MED26: variants seen among roughly 807,000 people sequenced by gnomAD.
MED26 encodes the protein mediator complex subunit 26, also known as mediator of RNA polymerase II transcription subunit 26.
MED26 carries 7 observed loss-of-function variants against 43.7 expected under a neutral mutation model. The ratio of observed to expected loss-of-function variants is 0.16; its 90% CI spans 0.09 to 0.30. The LOEUF is 0.30. MED26 is among the 10% of genes least tolerant of loss of function. MED26 has a pLI of 1.00. For missense variants in MED26, 784 were observed against 840.6 expected (o/e 0.93, Z 0.83); for synonymous variants, 375 against 371.1 (o/e 1.01, Z -0.12).
intron 1 of MED26, among the ~76,000 whole-genome samples, chr19:16,609,513 A>G (rs2086189922): frequency 6.6e-6 from 1 of 152,124 alleles, no homozygotes; most frequent in African/African-American, 2.4e-5. Flanking sequence ...CCTTTATACT[A>G]GTAAAACTCA....
At chr19:16,595,961 C>G (rs1041231752) in intron 1 of MED26, among the ~76,000 whole-genome samples, 3 of 152,204 alleles carry the variant, frequency 2.0e-5, no homozygotes, top group Non-Finnish European at 4.4e-5. Context: ...TTAAACTTTA[C>G]TCCAAGAGAG....
chr19:16,582,209 G>A (rs891932926), intron 1 of MED26, among the ~76,000 whole-genome samples: 1 of 152,234 alleles, frequency 6.6e-6, no homozygotes, highest in African/African-American at 2.4e-5. Flanking sequence ...AGCTAAGGAT[G>A]GGGGCAAGGT....
intron 1 of MED26, among the ~76,000 whole-genome samples, chr19:16,592,689 C>A (rs1404480932): frequency 6.6e-6 from 1 of 152,178 alleles, no homozygotes; most frequent in Non-Finnish European, 1.5e-5. Flanking sequence ...CAAAACGGCA[C>A]CCCCTTCTTC....
chr19:16,613,085 G>C (rs545082257), intron 1 of MED26, among the ~76,000 whole-genome samples: 85 of 152,130 alleles, frequency 5.6e-4, no homozygotes, highest in African/African-American at 2.0e-3. Context: ...AGTAGGATAG[G>C]GACGTCCTCA....
At chr19:16,603,442 T>C (rs900827071) in intron 1 of MED26, among the ~76,000 whole-genome samples, 1 of 152,122 alleles carries the variant, frequency 6.6e-6, no homozygotes, top group African/African-American at 2.4e-5. Flanking sequence ...AAGCCATGAG[T>C]GCTCATGAGT....
In MED26 at chr19:16,596,026, CTT is replaced by C. The variant is rs1261694244; in HGVS notation, c.73-17619_73-17618del. 2.0e-5 allele frequency among the ~76,000 whole-genome samples: 3 copies of C among 152,084 alleles called. 1 individual carries two copies. In the East Asian group the frequency reaches 5.8e-4, roughly 29 times the overall value. ...CCTCAACTTTTTTCTTTTTGTTTTTCTTGAGACAGGGTCTCGCCCTGTTGCCC... is the reference window on the plus strand; with the variant it reads ...CCTCAACTTTTTTCTTTTTGTTTTTCGAGACAGGGTCTCGCCCTGTTGCCC... On this transcript the variant is annotated intron_variant, in intron 1 of 2. Transcript: ENST00000263390.
intron 1 of MED26, among the ~76,000 whole-genome samples, chr19:16,605,484 CACA>C (rs1568286650): frequency 6.6e-6 from 1 of 152,206 alleles, no homozygotes. Context: ...ATGGATAGAA[CACA>C]GAGACAGTGG....
chr19:16,576,742 G>A lies in MED26; in HGVS notation c.1088C>T (p.Ala363Val), dbSNP rs935949075. 2.5e-6 allele frequency: 4 copies of A among 1,609,406 alleles called. No homozygotes were observed. The highest frequency in any genetic ancestry group is 3.4e-6 in the Non-Finnish European group (4 of 1,179,672). ...GCCTGCCCGGGACAGGAGGGGCTCG[G>A]CTGGGGACAGCCCTGCCTTGCAGCC... ...GPGCKAGLSP[A>V]EPLLSRAGFS... Residue 363 changes from alanine (A) to valine (V), a missense_variant, in exon 3 of 3, where the codon GCC becomes GTC. This residue lies in a region of MED26 where 719 missense variants were observed against 730.9 expected (regional missense o/e 0.98). Coordinates refer to ENST00000263390, the MANE Select transcript of MED26 (RefSeq NM_004831.5). The surrounding 1 kb of genome is among the most constrained non-coding windows in gnomAD (Gnocchi z 6.8).
At chr19:16,606,571 A>G (rs2086174322) in intron 1 of MED26, among the ~76,000 whole-genome samples, 1 of 152,200 alleles carries the variant, frequency 6.6e-6, no homozygotes, top group African/African-American at 2.4e-5. Flanking sequence ...AATAAAATAA[A>G]AATAAAAACA....
At chr19:16,593,163 C>T (rs2086105611) in intron 1 of MED26, among the ~76,000 whole-genome samples, 1 of 152,236 alleles carries the variant, frequency 6.6e-6, no homozygotes, top group South Asian at 2.1e-4. Flanking sequence ...GACCCAACAA[C>T]CTGATGCCGA....
At chr19:16,617,591 C>T (rs890429061) in intron 1 of MED26, among the ~76,000 whole-genome samples, 1 of 152,214 alleles carries the variant, frequency 6.6e-6, no homozygotes, top group Non-Finnish European at 1.5e-5. Flanking sequence ...GGACCAGAAA[C>T]AGAAAAGATT....
chr19:16,619,432 A>C (rs980847415), intron 1 of MED26, among the ~76,000 whole-genome samples: 4 of 152,192 alleles, frequency 2.6e-5, no homozygotes. Flanking sequence ...TCCATGCCTA[A>C]CTCAAGCTGG....
chr19:16,604,824 G>A (rs2086165090), intron 1 of MED26, among the ~76,000 whole-genome samples: 2 of 152,202 alleles, frequency 1.3e-5, no homozygotes, highest in African/African-American at 2.4e-5. Context: ...CCTGGGAGCC[G>A]GCTCATGGTG....
Position 16,591,261 on chromosome 19 carries a change from C to A in MED26, c.73-12852G>T, listed in dbSNP as rs1410987915. 2.0e-5 allele frequency among the ~76,000 whole-genome samples: 3 copies of A among 151,888 alleles called. No homozygotes were observed. The East Asian group carries it at 5.8e-4, about 29-fold the overall frequency. On this transcript the variant is annotated intron_variant, in intron 1 of 2. Transcript: ENST00000263390. ...GGAGGGTGGGCCCTTTGGGGAGGCTCCTTCTCTCCTCAGTAGAAGGAGAAT... is the reference window on the plus strand; with the variant it reads ...GGAGGGTGGGCCCTTTGGGGAGGCTACTTCTCTCCTCAGTAGAAGGAGAAT...
In MED26 at chr19:16,576,479, T is replaced by C. The variant is rs780932307; in HGVS notation, c.1351A>G (p.Met451Val). 7.4e-6 allele frequency: 12 copies of C among 1,614,042 alleles called. No homozygotes were observed. The highest frequency in any genetic ancestry group is 5.5e-5 in the South Asian group (5 of 91,088). ...EPVRADSPVH[M>V]EQQSRTELDK... Reference sequence around the variant, plus strand: ...AGCTCTGTCCTGGACTGCTGCTCCATGTGCACAGGGCTGTCTGCCCGCACT... The same window carrying C: ...AGCTCTGTCCTGGACTGCTGCTCCACGTGCACAGGGCTGTCTGCCCGCACT... Residue 451 changes from methionine (M) to valine (V), a missense_variant, in exon 3 of 3, where the codon ATG (methionine) becomes GTG (valine). By Grantham distance (21) the Met-to-Val change is conservative (BLOSUM62 1). Transcript: ENST00000263390. This position sits in a 1 kb window ranked among gnomAD's most constrained non-coding sequence, Gnocchi z 6.8.
rs755006190 is a variant in MED26 at position 16,576,574 on chromosome 19, C to T, written c.1256G>A (p.Arg419Gln). The T allele has an allele frequency of 8.7e-6, 14 of 1,614,060 alleles. No individual in the cohort carries two copies. Among genetic ancestry groups the T allele is most frequent in the Admixed American group, 3.3e-5 (2 of 60,010 alleles). Residue 419 changes from arginine to glutamine, a missense_variant, in exon 3 of 3, where the codon CGG becomes CAG. Transcript: ENST00000263390. The surrounding 1 kb of genome is among the most constrained non-coding windows in gnomAD (Gnocchi z 6.8). ...AAAGGTGAGCTTCCGCTCTTTTAACCGGACAGGCTTGACGCCCGCCTCAGC... is the reference window on the plus strand; with the variant it reads ...AAAGGTGAGCTTCCGCTCTTTTAACTGGACAGGCTTGACGCCCGCCTCAGC... ...QVAEAGVKPV[R>Q]LKERKLTFDP...
chr19:16,600,633 G>A (rs2086144156), intron 1 of MED26, among the ~76,000 whole-genome samples: 1 of 151,984 alleles, frequency 6.6e-6, no homozygotes, highest in African/African-American at 2.4e-5. Flanking sequence ...CACCCCCACT[G>A]ACCCCAAGTG....
chr19:16,590,403 T>A (rs574315492), intron 1 of MED26, among the ~76,000 whole-genome samples: 10 of 152,354 alleles, frequency 6.6e-5, no homozygotes, highest in African/African-American at 2.2e-4. Flanking sequence ...CACTTTAGGA[T>A]GAGGCAAATC....
Position 16,614,655 on chromosome 19 carries a change from G to A in MED26, c.72+13217C>T, listed in dbSNP as rs375262081. Among the ~76,000 whole-genome samples, 12 of 152,262 alleles carry A rather than the reference G, an allele frequency of 7.9e-5. No homozygotes were observed. In the East Asian group the frequency reaches 1.2e-3, roughly 15 times the overall value. The stretch of plus-strand genomic sequence containing the variant: ...CACCAGGCCACTGGGTCCTGTCGAC[G>A]GCTTCTGGAATCCCCAAACCTAACG... On this transcript the variant is annotated intron_variant, in intron 1 of 2. Transcript: ENST00000263390.
Sources: gnomAD v4.1 joint callset for allele counts (sites outside exome capture counted in the v4.1 genomes callset) on GRCh38, gnomAD v4.1.1 for gene constraint, gnomAD v4.1.1 regional missense constraint, Gnocchi (gnomAD v3.1) non-coding constraint, MANE v1.5 for transcripts, NCBI Gene and HGNC (gene_info 2026-07-23, HGNC 2026-07-21) for gene names.